The following UBE2E2 variants were observed in gnomAD, a reference collection of about 807,000 sequenced individuals.
The protein encoded by UBE2E2 is ubiquitin conjugating enzyme E2 E2, also known as ubiquitin-conjugating enzyme E2 E2.
Under a neutral mutation model 24.7 loss-of-function variants are expected in UBE2E2, and 6 were observed. The observed-to-expected ratio is 0.24, with a 90% CI of 0.13 to 0.48. The LOEUF (loss-of-function observed/expected upper bound fraction) is 0.48. Among genes scored for constraint, UBE2E2 ranks in the 20% least tolerant of loss-of-function variants. The probability of loss-of-function intolerance (pLI) is 0.99; values close to 1 mark genes in which losing one functional copy is unlikely to be tolerated. For synonymous variants in UBE2E2, 104 were observed against 83.6 expected (o/e 1.24, Z -1.33); for missense variants, 169 against 245.0 (o/e 0.69, Z 2.07).
intron 3 of UBE2E2, among the ~76,000 whole-genome samples, chr3:23,465,231 G>A (rs1400314614): frequency 6.6e-6 from 1 of 152,094 alleles, no homozygotes; most frequent in Non-Finnish European, 1.5e-5. Context: ...TTGCTTAAAG[G>A]ATTATCTAAA....
intron 2 of UBE2E2, among the ~76,000 whole-genome samples, chr3:23,209,868 C>T (rs1696270782): frequency 6.6e-6 from 1 of 152,068 alleles, no homozygotes; most frequent in Non-Finnish European, 1.5e-5. Context: ...CTAGAGTATT[C>T]AGTTTCCCTT....
At chr3:23,301,654 G>C (rs574532628) in intron 3 of UBE2E2, among the ~76,000 whole-genome samples, 1 of 152,316 alleles carries the variant, frequency 6.6e-6, no homozygotes, top group Non-Finnish European at 1.5e-5. Flanking sequence ...TTTTGTCTCA[G>C]AGGAGTACCC....
intron 5 of UBE2E2, among the ~76,000 whole-genome samples, chr3:23,586,744 G>T (rs1344245419): frequency 6.6e-6 from 1 of 152,142 alleles, no homozygotes; most frequent in South Asian, 2.1e-4. Flanking sequence ...ACAAAAGTTG[G>T]AGAGTACCCA....
intron 3 of UBE2E2, among the ~76,000 whole-genome samples, chr3:23,267,900 T>G (rs1425540017): frequency 1.7e-4 from 25 of 150,282 alleles, no homozygotes; most frequent in African/African-American, 4.9e-5. Context: ...GCTGGTTCAA[T>G]ATATGCAAAT....
intron 3 of UBE2E2, among the ~76,000 whole-genome samples, chr3:23,418,956 C>CTTT (rs11399749): frequency 3.5e-5 from 5 of 141,402 alleles, no homozygotes; most frequent in African/African-American, 5.3e-5. Flanking sequence ...ACAAATGTTA[C>CTTT]TTTTTTTTTT....
At chr3:23,519,465 G>C (rs1364755475) in intron 4 of UBE2E2, among the ~76,000 whole-genome samples, 1 of 152,052 alleles carries the variant, frequency 6.6e-6, no homozygotes, top group South Asian at 2.1e-4. Context: ...TGAGTATCAG[G>C]TTAGTTAACT....
At chr3:23,566,238 A>G (rs1696069581) in intron 5 of UBE2E2, among the ~76,000 whole-genome samples, 1 of 152,244 alleles carries the variant, frequency 6.6e-6, no homozygotes, top group Non-Finnish European at 1.5e-5. Flanking sequence ...ACATTGAAAA[A>G]TACAATTTAA....
chr3:23,345,706 A>G (rs1019293064), intron 3 of UBE2E2, among the ~76,000 whole-genome samples: 1 of 152,230 alleles, frequency 6.6e-6, no homozygotes, highest in Non-Finnish European at 1.5e-5. Context: ...CACTAAATAG[A>G]TAAATTGATT....
intron 3 of UBE2E2, among the ~76,000 whole-genome samples, chr3:23,336,182 G>T (rs1453360566): frequency 6.6e-6 from 1 of 151,930 alleles, no homozygotes; most frequent in African/African-American, 2.4e-5. Flanking sequence ...CTAATATGTT[G>T]GTTCAGGTTT....
chr3:23,246,316 G>A (rs1697399155), intron 3 of UBE2E2, among the ~76,000 whole-genome samples: 1 of 149,720 alleles, frequency 6.7e-6, no homozygotes, highest in Non-Finnish European at 1.5e-5. Context: ...CGCCTCCCAG[G>A]TTCACGCCAT....
intron 3 of UBE2E2, among the ~76,000 whole-genome samples, chr3:23,330,257 T>C (rs1026481775): frequency 1.3e-5 from 2 of 152,242 alleles, no homozygotes; most frequent in African/African-American, 4.8e-5. Context: ...TTCACAGCTC[T>C]AAATGTAATA....
intron 3 of UBE2E2, among the ~76,000 whole-genome samples, chr3:23,271,985 C>G (rs1001300387): frequency 6.6e-6 from 1 of 152,242 alleles, no homozygotes; most frequent in East Asian, 1.9e-4. Context: ...GATCCCGCGC[C>G]AGGGCCGTGG....
At chr3:23,393,812 T>G (rs915855512) in intron 3 of UBE2E2, among the ~76,000 whole-genome samples, 1 of 152,182 alleles carries the variant, frequency 6.6e-6, no homozygotes, top group African/African-American at 2.4e-5. Flanking sequence ...ATATGACACA[T>G]GAAAATGATA....
intron 3 of UBE2E2, among the ~76,000 whole-genome samples, chr3:23,411,728 A>G (rs572866350): frequency 6.6e-6 from 1 of 152,148 alleles, no homozygotes; most frequent in Non-Finnish European, 1.5e-5. Flanking sequence ...CTAAATTCTC[A>G]TTGGCTCATT....
At chr3:23,212,652 A>G (rs1373169095) in intron 2 of UBE2E2, among the ~76,000 whole-genome samples, 1 of 152,102 alleles carries the variant, frequency 6.6e-6, no homozygotes, top group African/African-American at 2.4e-5. Context: ...ATTCCACTGT[A>G]TTCCAGTTTG....
At chr3:23,362,565 G>T (rs1696147437) in intron 3 of UBE2E2, among the ~76,000 whole-genome samples, 1 of 152,124 alleles carries the variant, frequency 6.6e-6, no homozygotes, top group African/African-American at 2.4e-5. Context: ...TCTGAACTCG[G>T]ACAGAGGTCC....
At chr3:23,394,190 A>G (rs1382628974) in intron 3 of UBE2E2, among the ~76,000 whole-genome samples, 1 of 152,242 alleles carries the variant, frequency 6.6e-6, no homozygotes, top group Non-Finnish European at 1.5e-5. Flanking sequence ...CTGCAGTCCC[A>G]GAACACGCAA....
At chr3:23,206,179 A>G (rs1340287277) in intron 1 of UBE2E2, among the ~76,000 whole-genome samples, 1 of 152,190 alleles carries the variant, frequency 6.6e-6, no homozygotes, top group Non-Finnish European at 1.5e-5. Context: ...GCTATATCTG[A>G]GCACCTTTCC....
At chr3:23,422,065 A>G (rs1697814413) in intron 3 of UBE2E2, among the ~76,000 whole-genome samples, 2 of 152,208 alleles carry the variant, frequency 1.3e-5, no homozygotes, top group Non-Finnish European at 1.5e-5. Context: ...ATATCCTCTA[A>G]TGAGCTGTTT....
Sources: gnomAD v4.1 joint callset for allele counts (sites outside exome capture counted in the v4.1 genomes callset) on GRCh38, gnomAD v4.1.1 for gene constraint, MANE v1.5 for transcripts, NCBI Gene and HGNC (gene_info 2026-07-23, HGNC 2026-07-21) for gene names.